Variants in ASAP3 observed in about 807,000 individuals in gnomAD.
ASAP3 encodes arf-GAP with SH3 domain, ANK repeat and PH domain-containing protein 3.
ASAP3 carries 85 observed loss-of-function variants against 118.2 expected under a neutral mutation model. The ratio of observed to expected loss-of-function variants is 0.72; its 90% CI spans 0.60 to 0.86. The LOEUF is 0.86. Ranked by LOEUF, ASAP3 falls within the 40% of genes least tolerant of loss-of-function variation. The pLI is 0.00. For synonymous variants in ASAP3, 432 were observed against 477.4 expected, an observed-to-expected ratio of 0.90 and a Z score of 1.24; for missense variants, 1,026 against 1,175.0, an observed-to-expected ratio of 0.87 and a Z score of 1.85.
In ASAP3 at chr1:23,467,360, G is replaced by A. The variant is rs566658680; in HGVS notation, c.130-11166C>T. Among the ~76,000 whole-genome samples the A allele has an allele frequency of 2.0e-4, 31 of 151,946 alleles. 1 individual carries two copies. In the South Asian group the frequency reaches 6.0e-3, roughly 30 times the overall value. ...TGGGACTACAGGCGTGAGCCACCAC[G>A]CCTGGCCCATTATAGCCATTATTAA... On this transcript the variant is annotated intron_variant, in intron 1 of 24. Coordinates refer to ENST00000336689, the MANE Select transcript of ASAP3 (RefSeq NM_017707.4).
At chr1:23,454,557 G>A (rs1011992171) in intron 3 of ASAP3, among the ~76,000 whole-genome samples, 8 of 152,246 alleles carry the variant, frequency 5.3e-5, no homozygotes, top group Admixed American at 3.9e-4. Flanking sequence ...GGGCTCAAGC[G>A]ATCCACACAC....
chr1:23,484,137 G>A lies in ASAP3; in HGVS notation c.-4C>T, dbSNP rs1376641254. 2 of 1,269,560 alleles carry A rather than the reference G, an allele frequency of 1.6e-6. No homozygotes were observed. Among genetic ancestry groups the A allele is most frequent in the Non-Finnish European group, 2.0e-6 (2 of 1,009,434 alleles). The allele number at this position is 1,269,560 out of a possible 1,614,324, so 78.6% of individuals were successfully genotyped here. A position where few individuals can be genotyped will look rare whatever the true frequency, so the allele number is the denominator to read the frequency against. ...CGACGCTGAACTGCTCCGGCATGGC[G>A]GGCGCGAGCGTGGAGCTGCCGGAGC... On this transcript the variant is annotated 5_prime_UTR_variant, in exon 1 of 25. Transcript: ENST00000336689.
chr1:23,454,549 G>A (rs1309464140), intron 3 of ASAP3, among the ~76,000 whole-genome samples: 1 of 151,502 alleles, frequency 6.6e-6, no homozygotes, highest in Non-Finnish European at 1.5e-5. Context: ...GAGCTTCTGG[G>A]CTCAAGCGAT....
chr1:23,474,438 C>T (rs1022085962), intron 1 of ASAP3, among the ~76,000 whole-genome samples: 1 of 152,092 alleles, frequency 6.6e-6, no homozygotes, highest in African/African-American at 2.4e-5. Context: ...TCCTTCCTTC[C>T]CCACTGACAG....
rs193195941 is a variant in ASAP3, at chr1:23,461,828, G to C, written c.130-5634C>G. Among the ~76,000 whole-genome samples the C allele has an allele frequency of 1.9e-3, 288 of 152,310 alleles. 3 individuals are homozygous for C. The highest frequency in any genetic ancestry group is 0.015 in the Admixed American group (228 of 15,298). On this transcript the variant is annotated intron_variant, in intron 1 of 24. Coordinates refer to ENST00000336689, the MANE Select transcript of ASAP3 (RefSeq NM_017707.4). ...TTTGTTATGGATGGCGGAGCAACAA[G>C]ATATCAGCCTTGTCCCTAGTGATTA...
chr1:23,484,172 G>T lies in ASAP3; in HGVS notation c.-39C>A, dbSNP rs758166394. 17 of 1,244,848 alleles carry T rather than the reference G, an allele frequency of 1.4e-5. No homozygotes were observed. Among genetic ancestry groups the T allele is most frequent in the Non-Finnish European group, 1.7e-5 (17 of 994,782 alleles). 77.1% of individuals were successfully genotyped at this position (1,244,848 alleles called of 1,614,324 possible). A position where few individuals can be genotyped will look rare whatever the true frequency, so the allele number is the denominator to read the frequency against. On this transcript the variant is annotated 5_prime_UTR_variant, in exon 1 of 25. Coordinates refer to ENST00000336689, the MANE Select transcript of ASAP3 (RefSeq NM_017707.4). The stretch of plus-strand genomic sequence containing the variant: ...GTGGAGCTGCCGGAGCGGGGCGCGG[G>T]GGGCACTGAGCTGCTCCGCGCTGAG...
At chr1:23,435,221 G>T (rs1200915263) in intron 17 of ASAP3, among the ~76,000 whole-genome samples, 1 of 152,026 alleles carries the variant, frequency 6.6e-6, no homozygotes, top group Non-Finnish European at 1.5e-5. Context: ...AGAGATGGGG[G>T]TTTCCTTATT....
Position 23,441,183 on chromosome 1 carries a change from C to T in ASAP3, c.863G>A (p.Cys288Tyr), listed in dbSNP as rs375411165. Residue 288 changes from cysteine (C) to tyrosine (Y), a missense_variant, in exon 10 of 25, where the codon TGT becomes TAT. Cys to Tyr is a radical substitution (Grantham distance 194). Transcript: ENST00000336689. Reference sequence around the variant, plus strand: ...TTGGTGCTGGTGGATGCTATAGCCACATCCTGAGTTCTTCCGGCTCAGGTG... The same window carrying T: ...TTGGTGCTGGTGGATGCTATAGCCATATCCTGAGTTCTTCCGGCTCAGGTG... Reference protein sequence around the residue: ...EEHLSRKNSGCGYSIHQHQGN... With the variant: ...EEHLSRKNSGYGYSIHQHQGN... 4.2e-5 allele frequency: 68 copies of T among 1,614,116 alleles called. No individual in the cohort carries two copies. Among genetic ancestry groups the T allele is most frequent in the Non-Finnish European group, 5.3e-5 (62 of 1,180,062 alleles).
chr1:23,463,828 G>A lies in ASAP3; in HGVS notation c.130-7634C>T, dbSNP rs1641673264. Among the ~76,000 whole-genome samples, 4 of 152,194 alleles carry A rather than the reference G, an allele frequency of 2.6e-5. No individual in the cohort carries two copies. The South Asian group carries it at 8.3e-4, about 32-fold the overall frequency. ...TTGGCCAGGCTGGTCTCAAACTCCTGACCTCGTGATCCGCCTGCCTCGGCC... is the reference window on the plus strand; with the variant it reads ...TTGGCCAGGCTGGTCTCAAACTCCTAACCTCGTGATCCGCCTGCCTCGGCC... On this transcript the variant is annotated intron_variant, in intron 1 of 24. Coordinates refer to ENST00000336689, the MANE Select transcript of ASAP3 (RefSeq NM_017707.4).
At chr1:23,458,073 G>C (rs941169994) in intron 1 of ASAP3, among the ~76,000 whole-genome samples, 9 of 152,286 alleles carry the variant, frequency 5.9e-5, no homozygotes, top group African/African-American at 1.9e-4. Flanking sequence ...TCTCCTCCTC[G>C]GGTGTGAACT....
At chr1:23,482,928 G>A (rs1235460311) in intron 1 of ASAP3, among the ~76,000 whole-genome samples, 1 of 151,874 alleles carries the variant, frequency 6.6e-6, no homozygotes, top group East Asian at 1.9e-4. Context: ...CTCCAGCCTG[G>A]GCGACACAGC....
chr1:23,451,404 G>A, intron 5 of ASAP3, 75 bp downstream of exon 5: 1 of 1,490,460 alleles, frequency 6.7e-7, no homozygotes, highest in Non-Finnish European at 9.4e-7. Flanking sequence ...ACATGTCTCG[G>A]CAGCATTTAG....
intron 17 of ASAP3, among the ~76,000 whole-genome samples, 189 bp from the exon 18 acceptor site, chr1:23,434,807 C>T (rs150169439): frequency 2.6e-5 from 4 of 152,160 alleles, no homozygotes; most frequent in Non-Finnish European, 5.9e-5. Flanking sequence ...CCCATTGTTC[C>T]CATTCACGGC....
At position 23,484,154 on chromosome 1, in the gene ASAP3, T is replaced by A; in HGVS notation, c.-21A>T. ...GGCATGGCGGGCGCGAGCGTGGAGC[T>A]GCCGGAGCGGGGCGCGGGGGGCACT... On this transcript the variant is annotated 5_prime_UTR_variant, in exon 1 of 25. Transcript: ENST00000336689. 4 of 1,257,804 alleles carry A rather than the reference T, an allele frequency of 3.2e-6. No individual in the cohort carries two copies. The highest frequency in any genetic ancestry group is 4.0e-6 in the Non-Finnish European group (4 of 1,002,914). 77.9% of individuals were successfully genotyped at this position (1,257,804 alleles called of 1,614,324 possible).
chr1:23,431,919 C>G lies in ASAP3; in HGVS notation c.2324-1G>C, dbSNP rs761332570. On this transcript the variant is annotated splice_acceptor_variant, in intron 22 of 24. Coordinates refer to ENST00000336689, the MANE Select transcript of ASAP3 (RefSeq NM_017707.4). LOFTEE classifies it high-confidence loss of function. ...CTCAGGCTGGAGACTTCAGAACGAT[C>G]TGGAATCAGAAACATCAGAAATGAT... is the stretch of plus-strand genomic sequence containing the variant. 2 of 1,613,018 alleles carry G rather than the reference C, an allele frequency of 1.2e-6. No homozygotes were observed. The highest frequency in any genetic ancestry group is 1.7e-6 in the Non-Finnish European group (2 of 1,179,790).
chr1:23,454,505 G>A (rs188966314), intron 3 of ASAP3, among the ~76,000 whole-genome samples: 7 of 152,222 alleles, frequency 4.6e-5, no homozygotes, highest in Non-Finnish European at 8.8e-5. Flanking sequence ...CTTTTGTAGA[G>A]TCAGGGTCTC....
intron 9 of ASAP3, 41 bp downstream of exon 9, chr1:23,441,346 T>C: frequency 6.2e-7 from 1 of 1,611,320 alleles, no homozygotes; most frequent in Non-Finnish European, 8.5e-7. Flanking sequence ...ACGGTGGGCC[T>C]TGGGGGAGGG....
rs761253953 is a variant in ASAP3 at position 23,431,102 on chromosome 1, C to G, written c.2570G>C (p.Arg857Pro). The G allele has an allele frequency of 2.5e-6, 4 of 1,571,506 alleles. No homozygotes were observed. Among genetic ancestry groups the G allele is most frequent in the Non-Finnish European group, 3.5e-6 (4 of 1,158,412 alleles). ...RFSSESTRSY[R>P]RGARSPEDGP... is the part of the protein sequence containing the mutation. Reference sequence around the variant, plus strand: ...ATCTTCAGGGCTCCGCGCCCCCCGCCGATAGGAGCGAGTGCTCTCGGAGCT... The same window carrying G: ...ATCTTCAGGGCTCCGCGCCCCCCGCGGATAGGAGCGAGTGCTCTCGGAGCT... The change falls in exon 24 of 25, where the codon CGG (arginine) becomes CCG (proline). Residue 857 changes from arginine to proline, a missense_variant. Physicochemically the swap from Arg to Pro is moderately radical, Grantham distance 103. Transcript: ENST00000336689.
At chr1:23,467,812 G>C (rs960096472) in intron 1 of ASAP3, among the ~76,000 whole-genome samples, 2 of 151,938 alleles carry the variant, frequency 1.3e-5, no homozygotes, top group Admixed American at 6.6e-5. Flanking sequence ...AATTAGCTGG[G>C]TGTGGTGGCA....
Sources: gnomAD v4.1 joint callset for allele counts (sites outside exome capture counted in the v4.1 genomes callset) on GRCh38, gnomAD v4.1.1 for gene constraint, MANE v1.5 for transcripts, NCBI Gene and HGNC (gene_info 2026-07-23, HGNC 2026-07-21) for gene names.